TBC1D8: variants seen among roughly 807,000 people sequenced by gnomAD.
TBC1D8 encodes the protein BUB2-like protein 1.
TBC1D8 carries 65 observed loss-of-function variants against 118.8 expected under a neutral mutation model. That is an observed-to-expected ratio of 0.55 (90% CI 0.45 to 0.67). TBC1D8 has a LOEUF of 0.67. TBC1D8 is among the 30% of genes least tolerant of loss of function. TBC1D8 has a pLI of 0.00. For synonymous variants in TBC1D8, 566 were observed against 595.8 expected (o/e 0.95, Z 0.73); for missense variants, 1,376 against 1,471.2 (o/e 0.94, Z 1.06).
At chr2:101,128,664 A>G (rs1483740475) in intron 1 of TBC1D8, among the ~76,000 whole-genome samples, 1 of 152,264 alleles carries the variant, frequency 6.6e-6, no homozygotes. Context: ...CATTATTTGC[A>G]ATAGCCAAAA....
At chr2:101,067,425 A>C (rs1226657112) in intron 2 of TBC1D8, among the ~76,000 whole-genome samples, 2 of 152,240 alleles carry the variant, frequency 1.3e-5, no homozygotes, top group Non-Finnish European at 2.9e-5. Flanking sequence ...CCTTGGAGAT[A>C]GTGTGGGTTT....
intron 1 of TBC1D8, among the ~76,000 whole-genome samples, chr2:101,092,864 A>G (rs993763527): frequency 6.6e-6 from 1 of 152,122 alleles, no homozygotes; most frequent in Non-Finnish European, 1.5e-5. Context: ...AGGTCCCCTC[A>G]GTGTACAGAG....
chr2:101,028,537 C>G (rs1253557597), intron 12 of TBC1D8, 105 bp from the exon 13 acceptor site: 6 of 1,442,718 alleles, frequency 4.2e-6, no homozygotes, highest in Non-Finnish European at 4.6e-6. Context: ...CAAACACCAA[C>G]ACCTGGGAGG....
chr2:101,021,530 C>G (rs1680028520), intron 17 of TBC1D8, 151 bp downstream of exon 17: 6 of 602,480 alleles, frequency 1.0e-5, no homozygotes, highest in Admixed American at 3.0e-5. Flanking sequence ...GCACAGAACT[C>G]CAAACCTGTG....
At chr2:101,116,205 GC>G (rs994408429) in intron 1 of TBC1D8, among the ~76,000 whole-genome samples, 15 of 152,134 alleles carry the variant, frequency 9.9e-5, no homozygotes, top group Non-Finnish European at 1.8e-4. Flanking sequence ...TTGACTGGTT[GC>G]CCACAGATGC....
chr2:101,147,526 A>C (rs1366587029), intron 1 of TBC1D8, among the ~76,000 whole-genome samples: 1 of 152,212 alleles, frequency 6.6e-6, no homozygotes, highest in African/African-American at 2.4e-5. Context: ...TTAATTAAAT[A>C]AACAAGTAAT....
chr2:101,077,922 C>T (rs918017463), intron 2 of TBC1D8, among the ~76,000 whole-genome samples: 2 of 152,164 alleles, frequency 1.3e-5, no homozygotes, highest in Admixed American at 6.6e-5. Context: ...CTGCAGATAA[C>T]AACACTCTTA....
chr2:101,047,329 G>A (rs1681774432), intron 5 of TBC1D8, among the ~76,000 whole-genome samples: 4 of 152,188 alleles, frequency 2.6e-5, no homozygotes, highest in Admixed American at 2.6e-4. Flanking sequence ...GGCCACACAT[G>A]GCAATCATGA....
chr2:101,078,753 C>CA lies in TBC1D8; in HGVS notation c.283+11455dup. On this transcript the variant is annotated intron_variant, in intron 2 of 19. Transcript: ENST00000409318. Reference sequence around the variant, plus strand: ...GAAAGAAAAGAAAAACCTTTCTTAGCAAAAAAAAAAAAAAAAAAAAAGGAA... The same window carrying CA: ...GAAAGAAAAGAAAAACCTTTCTTAGCAAAAAAAAAAAAAAAAAAAAAAGGAA... 4.5e-3 allele frequency among the ~76,000 whole-genome samples: 485 copies of CA among 107,928 alleles called. 5 individuals carry two copies. The highest frequency in any genetic ancestry group is 0.015 in the African/African-American group (417 of 27,054). The allele number at this position is 107,928 out of a possible 152,430, so 70.8% of individuals were successfully genotyped here. A position where few individuals can be genotyped will look rare whatever the true frequency, so the allele number is the denominator to read the frequency against.
intron 1 of TBC1D8, among the ~76,000 whole-genome samples, chr2:101,125,518 A>C (rs1284282515): frequency 6.6e-6 from 1 of 152,184 alleles, no homozygotes; most frequent in Non-Finnish European, 1.5e-5. Context: ...AAAAATCCTT[A>C]TTTCTGTTCC....
Position 101,099,550 on chromosome 2 carries a change from A to C in TBC1D8, c.128-9186T>G, listed in dbSNP as rs546263217. ...CCTGATACCAAAACCAGGAAGAGAC[A>C]CAACAAAAGAAAGAAAACTTCAGAC... is the stretch of plus-strand genomic sequence containing the variant. On this transcript the variant is annotated intron_variant, in intron 1 of 19. Coordinates refer to ENST00000409318, the MANE Select transcript of TBC1D8 (RefSeq NM_001330348.2). Among the ~76,000 whole-genome samples, 4 of 152,360 alleles carry C rather than the reference A, an allele frequency of 2.6e-5. No individual in the cohort carries two copies. The East Asian group carries it at 7.7e-4, about 29-fold the overall frequency.
intron 1 of TBC1D8, among the ~76,000 whole-genome samples, chr2:101,144,519 C>A (rs988418480): frequency 1.5e-4 from 23 of 152,178 alleles, no homozygotes; most frequent in African/African-American, 5.1e-4. Context: ...GGGGCAGCGC[C>A]TGCAACCCCC....
At chr2:101,104,985 A>G (rs1181255266) in intron 1 of TBC1D8, among the ~76,000 whole-genome samples, 2 of 146,974 alleles carry the variant, frequency 1.4e-5, no homozygotes, top group Non-Finnish European at 3.0e-5. Flanking sequence ...AGATCACACC[A>G]TTGCACTCCA....
chr2:101,106,210 G>A (rs893203755), intron 1 of TBC1D8, among the ~76,000 whole-genome samples: 1 of 152,176 alleles, frequency 6.6e-6, no homozygotes, highest in Non-Finnish European at 1.5e-5. Context: ...GGCTGCTAGA[G>A]GGAAAAGGTT....
At position 101,007,898 on chromosome 2, in the gene TBC1D8, T is replaced by C. The variant is rs750820193; in HGVS notation, c.3391A>G (p.Lys1131Glu). ...LDMKSKLENAKINQYNLKTFE... is the reference protein window; with the variant it reads ...LDMKSKLENAEINQYNLKTFE... ...GTTTTGAGATTGTACTGATTGATCT[T>C]GGCATTTTCAAGTTTGGATTTCATG... Residue 1131 changes from lysine (K) to glutamate (E), a missense_variant, in exon 20 of 20, where the codon AAG (lysine) becomes GAG (glutamate). Physicochemically the swap from Lys to Glu is moderately conservative, Grantham distance 56 (BLOSUM62 1). Transcript: ENST00000409318. 1.9e-6 allele frequency: 3 copies of C among 1,614,036 alleles called. No individual in the cohort carries two copies. The highest frequency in any genetic ancestry group is 1.7e-5 in the Admixed American group (1 of 60,026).
At chr2:101,019,945 G>A (rs1259092074) in intron 17 of TBC1D8, among the ~76,000 whole-genome samples, 5 of 151,914 alleles carry the variant, frequency 3.3e-5, no homozygotes, top group African/African-American at 4.8e-5. Context: ...GGTGGTGGGC[G>A]CCTGTAGTCC....
intron 4 of TBC1D8, among the ~76,000 whole-genome samples, chr2:101,051,945 T>A (rs1046135013): frequency 6.6e-6 from 1 of 152,254 alleles, no homozygotes; most frequent in Non-Finnish European, 1.5e-5. Flanking sequence ...TTCTAATGGT[T>A]TTCTTAAAGA....
At chr2:101,098,388 AAG>A (rs1553418537) in intron 1 of TBC1D8, among the ~76,000 whole-genome samples, 2 of 151,852 alleles carry the variant, frequency 1.3e-5, no homozygotes, top group Admixed American at 1.3e-4. Flanking sequence ...TCAAAAAAAA[AAG>A]AGAGAGACTT....
chr2:101,024,825 A>T (rs1331372807), intron 15 of TBC1D8, among the ~76,000 whole-genome samples: 1 of 152,206 alleles, frequency 6.6e-6, no homozygotes, highest in African/African-American at 2.4e-5. Flanking sequence ...AATCAGCAGC[A>T]CTGGGGTCCA....
Sources: gnomAD v4.1 joint callset for allele counts (sites outside exome capture counted in the v4.1 genomes callset) on GRCh38, gnomAD v4.1.1 for gene constraint, MANE v1.5 for transcripts, NCBI Gene and HGNC (gene_info 2026-07-23, HGNC 2026-07-21) for gene names.